The following SLC30A7 variants were observed in gnomAD, a reference collection of about 807,000 sequenced individuals.
SLC30A7 encodes the protein solute carrier family 30 member 7, also known as zinc transporter 7.
In SLC30A7, 35 loss-of-function variants were observed where a neutral mutation model predicts 46.0. The observed-to-expected ratio is 0.76, with a 90% CI of 0.58 to 1.01. SLC30A7 has a LOEUF of 1.01. Ranked by LOEUF, SLC30A7 falls within the 50% of genes least tolerant of loss-of-function variation. The pLI, the probability that SLC30A7 is intolerant of heterozygous loss-of-function variation, is 0.00. For synonymous variants in SLC30A7, 147 were observed against 157.8 expected, an observed-to-expected ratio of 0.93 and a Z score of 0.51; for missense variants, 464 against 451.1, an observed-to-expected ratio of 1.03 and a Z score of -0.26.
intron 9 of SLC30A7, among the ~76,000 whole-genome samples, chr1:100,962,816 T>C (rs1352830004): frequency 6.6e-6 from 1 of 152,236 alleles, no homozygotes; most frequent in Non-Finnish European, 1.5e-5. Context: ...GAAGTTATTG[T>C]CCTCTAAATG....
rs762109416 is a variant in SLC30A7, at chr1:100,974,890, C to T, written c.*33C>T. ...AAAGAAATTATGCACCTTTTATGGACCAAATTTTTCTGGTACTGTACGATC... is the reference window on the plus strand; with the variant it reads ...AAAGAAATTATGCACCTTTTATGGATCAAATTTTTCTGGTACTGTACGATC... On this transcript the variant is annotated 3_prime_UTR_variant, in exon 11 of 11. Transcript: ENST00000357650. 2.5e-6 allele frequency: 4 copies of T among 1,576,352 alleles called. No homozygotes were observed. Among genetic ancestry groups the T allele is most frequent in the East Asian group, 2.3e-5 (1 of 44,436 alleles).
rs1231273953 is a variant in SLC30A7, at chr1:100,978,818, A to T, written c.*3961A>T. 6.6e-6 allele frequency: 1 copy of T among 152,178 alleles called. No homozygotes were observed. Among genetic ancestry groups the T allele is most frequent in the Non-Finnish European group, 1.5e-5 (1 of 68,026 alleles). The allele number at this position is 152,178 out of a possible 1,614,324, so 9.4% of individuals were successfully genotyped here. A position where few individuals can be genotyped will look rare whatever the true frequency, so the allele number is the denominator to read the frequency against. On this transcript the variant is annotated 3_prime_UTR_variant, in exon 11 of 11. Coordinates refer to ENST00000357650, the MANE Select transcript of SLC30A7 (RefSeq NM_133496.5). ...TTTATGGAAGATGCAATTAATTTTAACTTTTTTACTCTTATAAAACCAGTT... is the reference window on the plus strand; with the variant it reads ...TTTATGGAAGATGCAATTAATTTTATCTTTTTTACTCTTATAAAACCAGTT...
intron 5 of SLC30A7, 96 bp from the exon 6 acceptor site, chr1:100,913,567 G>A (rs1353369903): frequency 1.1e-6 from 1 of 873,754 alleles, no homozygotes; most frequent in Non-Finnish European, 1.8e-6. Context: ...ATTGATCTGA[G>A]TTTAGAGCTG....
At chr1:100,929,004 A>G (rs544612963) in intron 8 of SLC30A7, among the ~76,000 whole-genome samples, 2 of 152,214 alleles carry the variant, frequency 1.3e-5, no homozygotes, top group African/African-American at 2.4e-5. Context: ...CAAGGTACAG[A>G]GCAACACATA....
In SLC30A7 at chr1:100,911,043, T is replaced by C; in HGVS notation, c.297-20T>C. The C allele has an allele frequency of 6.4e-7, 1 of 1,555,610 alleles. No homozygotes were observed. Among genetic ancestry groups the C allele is most frequent in the Non-Finnish European group, 8.8e-7 (1 of 1,132,582 alleles). ...AAGAAATAACATAATAATTCAGTTATTTACTTTGTTCCTCTTTAGGTATGT... is the reference window on the plus strand; with the variant it reads ...AAGAAATAACATAATAATTCAGTTACTTACTTTGTTCCTCTTTAGGTATGT... On this transcript the variant is annotated intron_variant, in intron 3 of 10. Transcript: ENST00000357650.
chr1:100,969,957 C>T (rs1656068368), intron 10 of SLC30A7, among the ~76,000 whole-genome samples: 2 of 151,978 alleles, frequency 1.3e-5, no homozygotes, highest in African/African-American at 4.8e-5. Flanking sequence ...TTAGTATATG[C>T]CAAGGCTTGC....
rs888612435 is a variant in SLC30A7 at position 100,923,173 on chromosome 1, C to T, written c.842+1332C>T. Among the ~76,000 whole-genome samples the T allele has an allele frequency of 1.3e-4, 18 of 137,026 alleles. 4 individuals carry two copies. Among genetic ancestry groups the T allele is most frequent in the South Asian group, 2.4e-4 (1 of 4,248 alleles). The allele number at this position is 137,026 out of a possible 152,430, so 89.9% of individuals were successfully genotyped here. On this transcript the variant is annotated intron_variant, in intron 8 of 10. Transcript: ENST00000357650. The stretch of plus-strand genomic sequence containing the variant: ...CTGGGACTACAGGCGCCCGCCACCT[C>T]GCCCGGCTAATTTTTTGTATTTTTA...
At chr1:100,918,003 GA>G in intron 6 of SLC30A7, 73 bp from the exon 7 acceptor site, 2 of 1,231,352 alleles carry the variant, frequency 1.6e-6, no homozygotes, top group Non-Finnish European at 1.2e-6. Context: ...GCATTTGAAT[GA>G]AAAGGACTCT....
At chr1:100,990,454 GA>G in the SLC30A7 span, 2 of 1,614,034 alleles carry the variant, frequency 1.2e-6, no homozygotes, top group Non-Finnish European at 1.7e-6. Flanking sequence ...TTCTGGTATG[GA>G]AAACAGACTT....
chr1:100,913,079 G>A (rs553933519), intron 5 of SLC30A7, among the ~76,000 whole-genome samples: 6 of 152,054 alleles, frequency 3.9e-5, no homozygotes, highest in East Asian at 1.9e-4. Flanking sequence ...GATGTTGCTC[G>A]GTGGTTTAGT....
rs995897148 is a variant in SLC30A7, at chr1:100,981,437, A to C, written c.*6580A>C. On this transcript the variant is annotated 3_prime_UTR_variant, in exon 11 of 11. Coordinates refer to ENST00000357650, the MANE Select transcript of SLC30A7 (RefSeq NM_133496.5). ...ACTTTACCTCCCTGCCTTTAGTGGTATTTAAACATATGGCCAAGTTAGTAT... is the reference window on the plus strand; with the variant it reads ...ACTTTACCTCCCTGCCTTTAGTGGTCTTTAAACATATGGCCAAGTTAGTAT... 2.6e-5 allele frequency: 4 copies of C among 152,178 alleles called. No individual in the cohort carries two copies. The highest frequency in any genetic ancestry group is 4.4e-5 in the Non-Finnish European group (3 of 68,024). The allele number at this position is 152,178 out of a possible 1,614,324, so 9.4% of individuals were successfully genotyped here.
chr1:100,916,017 T>C (rs1431230858), intron 6 of SLC30A7, among the ~76,000 whole-genome samples: 1 of 152,172 alleles, frequency 6.6e-6, no homozygotes, highest in African/African-American at 2.4e-5. Flanking sequence ...ATTTCCCTGA[T>C]GATTAGTGAT....
chr1:100,959,478 A>G (rs1049077695), intron 8 of SLC30A7, among the ~76,000 whole-genome samples: 1 of 152,126 alleles, frequency 6.6e-6, no homozygotes, highest in African/African-American at 2.4e-5. Flanking sequence ...CAGTTATTCC[A>G]AGGTTCATTT....
chr1:100,922,204 G>A (rs1033239181), intron 8 of SLC30A7, among the ~76,000 whole-genome samples: 1 of 152,042 alleles, frequency 6.6e-6, no homozygotes, highest in African/African-American at 2.4e-5. Flanking sequence ...GACCTCAGGT[G>A]ATCCACCTGC....
In SLC30A7 at chr1:100,921,820, T is replaced by G; in HGVS notation, c.821T>G (p.Ile274Arg). The change falls in exon 8 of 11, where the codon ATA (isoleucine) becomes AGA (arginine). Residue 274 changes from isoleucine to arginine, a missense_variant. Physicochemically the swap from Ile to Arg is moderately conservative, Grantham distance 97. Transcript: ENST00000357650. ...GCAGATCCTATCTGTTCAATTCTTA[T>G]AGCCATTCTTATAGTTGTAAGGTAA... Reference protein sequence around the residue: ...MIADPICSILIAILIVVSVIP... With the variant: ...MIADPICSILRAILIVVSVIP... 6.2e-7 allele frequency: 1 copy of G among 1,612,946 alleles called. No homozygotes were observed. The highest frequency in any genetic ancestry group is 8.5e-7 in the Non-Finnish European group (1 of 1,179,660).
chr1:100,989,057 T>TA, the SLC30A7 span, among the ~76,000 whole-genome samples: 10 of 152,122 alleles, frequency 6.6e-5, no homozygotes, highest in Non-Finnish European at 1.5e-4. Context: ...TGGAAATACT[T>TA]AGAGTTGAAC....
chr1:100,937,430 C>T (rs2101052640), intron 8 of SLC30A7, among the ~76,000 whole-genome samples: 1 of 152,242 alleles, frequency 6.6e-6, no homozygotes, highest in East Asian at 1.9e-4. Flanking sequence ...ACATGCTTTC[C>T]AAAACTTGTT....
At chr1:100,986,143 C>T (rs1212155502), downstream of SLC30A7, among the ~76,000 whole-genome samples, 1 of 152,188 alleles carries the variant, frequency 6.6e-6, no homozygotes, top group Admixed American at 6.5e-5. Flanking sequence ...GGCACAGTGG[C>T]TCATGCCTGT....
At chr1:100,992,767 G>A in the SLC30A7 span, 1 of 1,507,288 alleles carries the variant, frequency 6.6e-7, no homozygotes, top group Non-Finnish European at 9.2e-7. Flanking sequence ...AGATGCCACT[G>A]TTCTTAGCCA....
Sources: allele counts gnomAD v4.1 joint callset (sites outside exome capture counted in the v4.1 genomes callset), GRCh38; gene constraint gnomAD v4.1.1; transcripts MANE v1.5; gene names NCBI Gene and HGNC (gene_info 2026-07-23, HGNC 2026-07-21).